The following ABTB2 variants were observed in gnomAD, a reference collection of about 807,000 sequenced individuals.
ABTB2 encodes the protein ankyrin repeat and BTB domain containing 2.
In ABTB2, 56 loss-of-function variants were observed where a neutral mutation model predicts 104.1. That is an observed-to-expected ratio of 0.54 (90% CI 0.43 to 0.67). The LOEUF is 0.67. Ranked by LOEUF, ABTB2 falls within the 30% of genes least tolerant of loss-of-function variation. ABTB2 has a pLI of 0.00. For missense variants in ABTB2, 1,279 were observed against 1,407.7 expected (o/e 0.91, Z 1.46); for synonymous variants, 606 against 608.2 (o/e 1.00, Z 0.05).
At chr11:34,323,839 C>G (rs1442621442) in intron 1 of ABTB2, among the ~76,000 whole-genome samples, 1 of 151,814 alleles carries the variant, frequency 6.6e-6, no homozygotes, top group African/African-American at 2.4e-5. Context: ...TTTTGAAAAG[C>G]CCTTACCAAC....
At chr11:34,271,584 A>C (rs1481596009) in intron 1 of ABTB2, among the ~76,000 whole-genome samples, 1 of 152,150 alleles carries the variant, frequency 6.6e-6, no homozygotes, top group Non-Finnish European at 1.5e-5. Flanking sequence ...ACAAAAAATA[A>C]TTAGCTGGGT....
chr11:34,266,371 C>T (rs1854250278), intron 1 of ABTB2, among the ~76,000 whole-genome samples: 1 of 152,186 alleles, frequency 6.6e-6, no homozygotes, highest in Admixed American at 6.5e-5. Flanking sequence ...AGGCATAAGC[C>T]ACTGCACCTG....
At chr11:34,247,998 G>C (rs1394812435) in intron 1 of ABTB2, among the ~76,000 whole-genome samples, 1 of 151,638 alleles carries the variant, frequency 6.6e-6, no homozygotes, top group Non-Finnish European at 1.5e-5. Flanking sequence ...GCTACACCTG[G>C]TGGGCAAGGT....
At position 34,356,794 on chromosome 11, in the gene ABTB2, C is replaced by G; in HGVS notation, c.790G>C (p.Ala264Pro). 1 of 1,609,762 alleles carries G rather than the reference C, an allele frequency of 6.2e-7. No individual in the cohort carries two copies. The highest frequency in any genetic ancestry group is 8.5e-7 in the Non-Finnish European group (1 of 1,178,222). ...GGGAGGGEVS[A>P]EALEMVINND... ...TTGATGACCATCTCCAGGGCCTCAG[C>G]AGACACCTCCCCGCCTCCGGCCCCT... The change falls in exon 1 of 17, where the codon GCT (alanine) becomes CCT (proline). Residue 264 changes from alanine (A) to proline (P), a missense_variant. Transcript: ENST00000435224. The surrounding 1 kb of genome is among the most constrained non-coding windows in gnomAD (Gnocchi z 4.6).
At chr11:34,173,993 C>G (rs909997717) in intron 3 of ABTB2, among the ~76,000 whole-genome samples, 6 of 152,266 alleles carry the variant, frequency 3.9e-5, no homozygotes, top group Non-Finnish European at 5.9e-5. Flanking sequence ...GGGCTGACAC[C>G]ACTTCGTGTG....
At chr11:34,352,875 G>C (rs1439833473) in intron 1 of ABTB2, among the ~76,000 whole-genome samples, 1 of 152,146 alleles carries the variant, frequency 6.6e-6, no homozygotes, top group Non-Finnish European at 1.5e-5. Flanking sequence ...GGGCAACATA[G>C]CAAGACCCTG....
At chr11:34,272,302 C>CAAAAAAAAAAAAAAAA (rs60997940) in intron 1 of ABTB2, among the ~76,000 whole-genome samples, 10 of 80,774 alleles carry the variant, frequency 1.2e-4, no homozygotes, top group African/African-American at 3.4e-4. Context: ...CAGGAAGCTG[C>CAAAAAAAAAAAAAAAA]AAAAAAAAAA....
At chr11:34,186,623 G>A (rs1853103273) in intron 3 of ABTB2, among the ~76,000 whole-genome samples, 1 of 152,300 alleles carries the variant, frequency 6.6e-6, no homozygotes, top group East Asian at 1.9e-4. Context: ...TTTCTGCGAG[G>A]ACCGGTGGGT....
chr11:34,295,183 T>C (rs1367107108), intron 1 of ABTB2, among the ~76,000 whole-genome samples: 1 of 151,944 alleles, frequency 6.6e-6, no homozygotes, highest in Non-Finnish European at 1.5e-5. Context: ...GATCCTATCC[T>C]TAAAAATTAA....
intron 1 of ABTB2, among the ~76,000 whole-genome samples, chr11:34,327,876 T>TGC (rs61079956): frequency 0.03 from 4,560 of 152,248 alleles, 170 homozygotes; most frequent in African/African-American, 0.086. Context: ...CCCCGGCAGC[T>TGC]GCGTGTACAT....
intron 1 of ABTB2, among the ~76,000 whole-genome samples, chr11:34,337,222 C>T (rs535545191): frequency 1.3e-5 from 2 of 152,202 alleles, no homozygotes; most frequent in African/African-American, 2.4e-5. Context: ...AGGAAGGCCC[C>T]GATTCTGCGC....
At chr11:34,166,635 C>T (rs1215235497) in intron 7 of ABTB2, among the ~76,000 whole-genome samples, 2 of 152,246 alleles carry the variant, frequency 1.3e-5, no homozygotes, top group Non-Finnish European at 2.9e-5. Context: ...AAACCCTGCG[C>T]ATGCCAGCGA....
intron 1 of ABTB2, among the ~76,000 whole-genome samples, chr11:34,262,844 C>CA (rs1247329880): frequency 6.6e-6 from 1 of 152,120 alleles, no homozygotes; most frequent in Admixed American, 6.6e-5. Flanking sequence ...CTCAGGTGCC[C>CA]AGGAGGTCAG....
At chr11:34,293,600 G>A (rs753458023) in intron 1 of ABTB2, among the ~76,000 whole-genome samples, 1 of 152,084 alleles carries the variant, frequency 6.6e-6, no homozygotes, top group Non-Finnish European at 1.5e-5. Context: ...GAAGGAATAA[G>A]TGCCCAGCTG....
intron 16 of ABTB2, among the ~76,000 whole-genome samples, 174 bp from the exon 17 acceptor site, chr11:34,152,758 C>G (rs1014864321): frequency 1.3e-5 from 2 of 152,196 alleles, no homozygotes; most frequent in African/African-American, 4.8e-5. Flanking sequence ...CTGAACTGTT[C>G]AGCCCCCGTC....
At chr11:34,333,538 T>A (rs1453959813) in intron 1 of ABTB2, among the ~76,000 whole-genome samples, 1 of 152,102 alleles carries the variant, frequency 6.6e-6, no homozygotes, top group East Asian at 1.9e-4. Context: ...GGCAGATCAC[T>A]TGAGGTTAAG....
At chr11:34,284,328 C>T (rs1445338823) in intron 1 of ABTB2, among the ~76,000 whole-genome samples, 3 of 152,176 alleles carry the variant, frequency 2.0e-5, no homozygotes, top group Non-Finnish European at 4.4e-5. Flanking sequence ...CCGTGTAACC[C>T]TAAAGGATTT....
In ABTB2 at chr11:34,307,574, G is replaced by A. The variant is rs531765636; in HGVS notation, c.883+49127C>T. ...CCTGTTCATGGCTCTCCGAGAGAGG[G>A]CACTACAAATTCTTTCCTTTCACAC... On this transcript the variant is annotated intron_variant, in intron 1 of 16. Transcript: ENST00000435224. 5.9e-5 allele frequency among the ~76,000 whole-genome samples: 9 copies of A among 152,306 alleles called. No individual in the cohort carries two copies. The East Asian group carries it at 1.2e-3, about 20-fold the overall frequency.
chr11:34,210,706 C>G (rs1279647385), intron 1 of ABTB2, among the ~76,000 whole-genome samples: 1 of 152,222 alleles, frequency 6.6e-6, no homozygotes, highest in African/African-American at 2.4e-5. Flanking sequence ...CAGGGAAGCT[C>G]ATGGCCAAGG....
Sources: gnomAD v4.1 joint callset for allele counts (sites outside exome capture counted in the v4.1 genomes callset) on GRCh38, gnomAD v4.1.1 for gene constraint, Gnocchi (gnomAD v3.1) non-coding constraint, MANE v1.5 for transcripts, NCBI Gene and HGNC (gene_info 2026-07-23, HGNC 2026-07-21) for gene names.